The following SULT2B1 variants were observed in gnomAD, a reference collection of about 807,000 sequenced individuals.
SULT2B1 encodes sulfotransferase family 2B member 1.
SULT2B1 carries 16 observed loss-of-function variants against 33.2 expected under a neutral mutation model. The observed-to-expected ratio is 0.48, with a 90% CI of 0.33 to 0.73. The LOEUF is 0.73. SULT2B1 is among the 30% of genes least tolerant of loss of function. SULT2B1 has a pLI of 0.02. For missense variants in SULT2B1, 500 were observed against 506.0 expected, an observed-to-expected ratio of 0.99 and a Z score of 0.11; for synonymous variants, 186 against 200.5, an observed-to-expected ratio of 0.93 and a Z score of 0.61.
chr19:48,555,549 CCTCTCTCTCTCTCTCTCT>C (rs142655043), intron 1 of SULT2B1, among the ~76,000 whole-genome samples: 2 of 124,114 alleles, frequency 1.6e-5, no homozygotes, highest in Non-Finnish European at 3.3e-5. Flanking sequence ...CCAGAGACAT[CCTCTCTCTCTCTCTCTCT>C]CTCTCTCTCT....
At chr19:48,579,605 C>CTTTCTTTTTTTTTTTT (rs71179013) in intron 2 of SULT2B1, among the ~76,000 whole-genome samples, 5 of 79,736 alleles carry the variant, frequency 6.3e-5, no homozygotes, top group Admixed American at 1.7e-4. Flanking sequence ...TTCTTTCTTT[C>CTTTCTTTTTTTTTTTT]TTTTTTTTTT....
intron 2 of SULT2B1, among the ~76,000 whole-genome samples, chr19:48,576,357 C>CTTTTTTTTTTTTT (rs59055065): frequency 3.5e-5 from 4 of 114,876 alleles, no homozygotes; most frequent in Non-Finnish European, 6.8e-5. Context: ...CCCTCTACTT[C>CTTTTTTTTTTTTT]TCTTTTTTTT....
chr19:48,591,689 C>G lies in SULT2B1; in HGVS notation c.504C>G (p.Asp168Glu), dbSNP rs767984007. ...CCAAGATCGCCGGGCAGTTAAAGGA[C>G]CCGGGCACACCCGACCAGTTCCTGA... Reference protein sequence around the residue: ...HYSKIAGQLKDPGTPDQFLRD... With the variant: ...HYSKIAGQLKEPGTPDQFLRD... Residue 168 changes from aspartate (D) to glutamate (E), a missense_variant, in exon 4 of 7, where the codon GAC becomes GAG. Transcript: ENST00000201586. The G allele has an allele frequency of 6.2e-7, 1 of 1,612,362 alleles. No individual in the cohort carries two copies. Among genetic ancestry groups the G allele is most frequent in the Non-Finnish European group, 8.5e-7 (1 of 1,179,210 alleles).
chr19:48,558,976 G>A (rs896359518), intron 1 of SULT2B1, among the ~76,000 whole-genome samples: 4 of 152,074 alleles, frequency 2.6e-5, no homozygotes, highest in Non-Finnish European at 4.4e-5. Flanking sequence ...GTGAGCCACC[G>A]CGACTGGCCT....
rs372081826 is a variant in SULT2B1, at chr19:48,552,972, C to T, written c.71+649C>T. ...GGGAAACTGAGGCTGGGAGGGAACG[C>T]GACATGACCGCAATTACGCAGCTAG... On this transcript the variant is annotated intron_variant, in intron 1 of 6. Coordinates refer to ENST00000201586, the MANE Select transcript of SULT2B1 (RefSeq NM_177973.2). The surrounding 1 kb of genome is among the most constrained non-coding windows in gnomAD (Gnocchi z 4.8). Among the ~76,000 whole-genome samples, 1 of 152,106 alleles carries T rather than the reference C, an allele frequency of 6.6e-6. No homozygotes were observed. The highest frequency in any genetic ancestry group is 2.4e-5 in the African/African-American group (1 of 41,420).
At chr19:48,587,188 C>T in intron 2 of SULT2B1, 41 bp from the exon 3 acceptor site, 4 of 1,440,278 alleles carry the variant, frequency 2.8e-6, no homozygotes, top group Non-Finnish European at 3.8e-6. Flanking sequence ...CCCTCTTCAG[C>T]CCTCCCACAC....
At chr19:48,568,520 G>A (rs77855745) in intron 1 of SULT2B1, among the ~76,000 whole-genome samples, 10,484 of 152,106 alleles carry the variant, frequency 0.069, 519 homozygotes, top group South Asian at 0.19. Context: ...TCTGCGCCAC[G>A]GCCAAGGGTG....
chr19:48,588,687 TAG>T (rs1973601066), intron 3 of SULT2B1, among the ~76,000 whole-genome samples: 1 of 151,518 alleles, frequency 6.6e-6, no homozygotes, highest in South Asian at 2.1e-4. Context: ...GGGCTGGAGA[TAG>T]AGTTAGAGGT....
chr19:48,558,780 G>A (rs943506093), intron 1 of SULT2B1, among the ~76,000 whole-genome samples: 4 of 150,380 alleles, frequency 2.7e-5, no homozygotes, highest in Non-Finnish European at 4.4e-5. Flanking sequence ...CGCCTCCGGG[G>A]TTCAAGCGAT....
intron 1 of SULT2B1, among the ~76,000 whole-genome samples, chr19:48,558,114 C>G (rs1379194306): frequency 6.6e-6 from 1 of 152,028 alleles, no homozygotes; most frequent in Non-Finnish European, 1.5e-5. Context: ...TCCTTACAGC[C>G]GTCGGAGATT....
chr19:48,567,558 A>G (rs955739789), intron 1 of SULT2B1, among the ~76,000 whole-genome samples: 2 of 152,058 alleles, frequency 1.3e-5, no homozygotes, highest in Non-Finnish European at 2.9e-5. Flanking sequence ...AACAACAACA[A>G]AAAAAGAACA....
intron 2 of SULT2B1, among the ~76,000 whole-genome samples, chr19:48,586,640 T>G (rs530231484): frequency 1.3e-5 from 2 of 152,288 alleles, no homozygotes; most frequent in East Asian, 3.9e-4. Context: ...GAAATGGGGT[T>G]GGGTGGACAG....
chr19:48,575,071 G>A (rs1340296697), intron 1 of SULT2B1, among the ~76,000 whole-genome samples: 1 of 147,246 alleles, frequency 6.8e-6, no homozygotes, highest in Admixed American at 6.8e-5. Context: ...GTTATGGAAT[G>A]CAGACTATGA....
At chr19:48,596,157 AAGC>A (rs1257357065) in intron 5 of SULT2B1, 2 of 153,416 alleles carry the variant, frequency 1.3e-5, no homozygotes, top group African/African-American at 4.8e-5. Context: ...GATGAGGCCT[AAGC>A]AGTTCTAGGC....
In SULT2B1 at chr19:48,576,122, T is replaced by C. The variant is rs761715840; in HGVS notation, c.214+39T>C. ...TGCGGGCGTCGGGGGCTGGGGAGAG[T>C]GGGGAGGGGGTGCGGCAGAGGACAG... On this transcript the variant is annotated intron_variant, in intron 2 of 6. Transcript: ENST00000201586. The C allele has an allele frequency of 1.0e-5, 15 of 1,436,916 alleles. No individual in the cohort carries two copies. In the Middle Eastern group the frequency reaches 5.6e-4, roughly 53 times the overall value. 89.0% of individuals were successfully genotyped at this position (1,436,916 alleles called of 1,614,324 possible).
chr19:48,584,962 T>C (rs1055529752), intron 2 of SULT2B1, among the ~76,000 whole-genome samples: 2 of 147,170 alleles, frequency 1.4e-5, no homozygotes, highest in Non-Finnish European at 3.0e-5. Flanking sequence ...GGCAGGAGAA[T>C]TGCTTGAATC....
chr19:48,571,383 G>C (rs1973326087), intron 1 of SULT2B1, among the ~76,000 whole-genome samples: 1 of 151,396 alleles, frequency 6.6e-6, no homozygotes, highest in Non-Finnish European at 1.5e-5. Flanking sequence ...TTTTAGTAGA[G>C]ATGGGGTTTC....
Position 48,591,686 on chromosome 19 carries a change from G to A in SULT2B1, c.501G>A (p.Lys167=), listed in dbSNP as rs149312079. ...ACTCCAAGATCGCCGGGCAGTTAAA[G>A]GACCCGGGCACACCCGACCAGTTCC... ...YHYSKIAGQL[K]DPGTPDQFLR... is the part of the protein sequence containing the mutation. Residue 167 remains lysine, a synonymous_variant, in exon 4 of 7, where the codon AAG becomes AAA. Transcript: ENST00000201586. 4,264 of 1,613,044 alleles carry A rather than the reference G, an allele frequency of 2.6e-3. 7 individuals are homozygous for A. The highest frequency in any genetic ancestry group is 3.1e-3 in the Non-Finnish European group (3,688 of 1,179,482).
In SULT2B1 at chr19:48,592,717, C is replaced by T; in HGVS notation, c.551-5C>T. On this transcript the variant is annotated splice_region_variant and splice_polypyrimidine_tract_variant and intron_variant, in intron 4 of 6. Coordinates refer to ENST00000201586, the MANE Select transcript of SULT2B1 (RefSeq NM_177973.2). ...CCCTCACCCCACTTGTCCCTCTGCC[C>T]ACAGTGCAGTTTGGCTCCTGGTTCG... 1 of 1,587,404 alleles carries T rather than the reference C, an allele frequency of 6.3e-7. No homozygotes were observed. Among genetic ancestry groups the T allele is most frequent in the Non-Finnish European group, 8.6e-7 (1 of 1,166,004 alleles).
Sources: gnomAD v4.1 joint callset for allele counts (sites outside exome capture counted in the v4.1 genomes callset) on GRCh38, gnomAD v4.1.1 for gene constraint, Gnocchi (gnomAD v3.1) non-coding constraint, MANE v1.5 for transcripts, NCBI Gene and HGNC (gene_info 2026-07-23, HGNC 2026-07-21) for gene names.